The following TACC1 variants were observed in gnomAD, a reference collection of about 807,000 sequenced individuals.
The protein encoded by TACC1 is transforming acidic coiled-coil-containing protein 1.
TACC1 carries 48 observed loss-of-function variants against 84.4 expected under a neutral mutation model. That is an observed-to-expected ratio of 0.57 (90% confidence interval 0.45 to 0.72). TACC1 has a LOEUF of 0.72. Among genes scored for constraint, TACC1 ranks in the 30% least tolerant of loss-of-function variants. The pLI, the probability that TACC1 is intolerant of heterozygous loss-of-function variation, is 0.00. For missense variants in TACC1, 920 were observed against 973.0 expected, an observed-to-expected ratio of 0.95 and a Z score of 0.72; for synonymous variants, 372 against 376.3, an observed-to-expected ratio of 0.99 and a Z score of 0.13.
intron 8 of TACC1, chr8:38,839,612 C>G (rs1428129280): frequency 1.1e-5 from 3 of 265,698 alleles, no homozygotes; most frequent in Non-Finnish European, 2.1e-5. Context: ...GATGGGGGCA[C>G]CACCATTGAG....
At chr8:38,732,666 T>C (rs1805189101) in intron 1 of TACC1, among the ~76,000 whole-genome samples, 1 of 152,218 alleles carries the variant, frequency 6.6e-6, no homozygotes, top group Non-Finnish European at 1.5e-5. Context: ...CCTCATTTGT[T>C]TAATCCTCAT....
intron 5 of TACC1, 91 bp downstream of exon 5, chr8:38,827,466 A>C (rs770673466): frequency 2.0e-5 from 27 of 1,331,152 alleles, no homozygotes; most frequent in Non-Finnish European, 2.9e-5. Context: ...CAGAGATTAA[A>C]GAATTGGGTC....
At chr8:38,788,889 G>GA (rs1563494709) in intron 2 of TACC1, 70 bp downstream of exon 2, 3 of 1,242,744 alleles carry the variant, frequency 2.4e-6, no homozygotes, top group African/African-American at 1.5e-5. Flanking sequence ...ATGAAGGAAG[G>GA]AAAAAAGTGT....
chr8:38,819,508 G>T lies in TACC1; in HGVS notation c.278-14G>T. On this transcript the variant is annotated splice_polypyrimidine_tract_variant and intron_variant, in intron 2 of 12. Coordinates refer to ENST00000317827, the MANE Select transcript of TACC1 (RefSeq NM_006283.3). ...GATAATTCTTTAATAGATGGTTTTT[G>T]TGTTTCATTTTAGAATCACAAGAAG... 6.3e-7 allele frequency: 1 copy of T among 1,589,664 alleles called. No homozygotes were observed. The highest frequency in any genetic ancestry group is 1.4e-5 in the African/African-American group (1 of 73,720).
At position 38,806,475 on chromosome 8, in the gene TACC1, TGAGA is replaced by T. The variant is rs1048536136; in HGVS notation, c.278-13038_278-13035del. Among the ~76,000 whole-genome samples the T allele has an allele frequency of 5.3e-5, 8 of 151,374 alleles. No homozygotes were observed. In the South Asian group the frequency reaches 6.3e-4, roughly 12 times the overall value. ...GTGTGTGTGTGTATGTGTGTGTGTGTGAGAGAGAGAGAAAGAGAGAGAGGGAGAG... is the reference window on the plus strand; with the variant it reads ...GTGTGTGTGTGTATGTGTGTGTGTGTGAGAGAGAAAGAGAGAGAGGGAGAG... On this transcript the variant is annotated intron_variant, in intron 2 of 12. Transcript: ENST00000317827.
intron 2 of TACC1, among the ~76,000 whole-genome samples, chr8:38,794,562 TTGTGTGTG>T (rs35760071): frequency 6.6e-6 from 1 of 150,388 alleles, no homozygotes; most frequent in East Asian, 2.0e-4. Flanking sequence ...GTGTGTTTGT[TTGTGTGTG>T]TGTGTGTGTG....
chr8:38,768,533 C>G (rs1370769242), intron 3 of TACC1, among the ~76,000 whole-genome samples: 5 of 152,130 alleles, frequency 3.3e-5, no homozygotes, highest in African/African-American at 1.2e-4. Flanking sequence ...ACGGGAGTGT[C>G]AAAAGTTCAA....
chr8:38,764,089 CT>C (rs1199811432), intron 3 of TACC1, among the ~76,000 whole-genome samples: 2 of 152,020 alleles, frequency 1.3e-5, no homozygotes, highest in Non-Finnish European at 2.9e-5. Context: ...CTTTTCTTTT[CT>C]TTTTTGAGAC....
intron 3 of TACC1, among the ~76,000 whole-genome samples, chr8:38,753,675 C>T (rs1332788404): frequency 6.6e-6 from 1 of 152,198 alleles, no homozygotes; most frequent in Non-Finnish European, 1.5e-5. Flanking sequence ...CACTTCCCTT[C>T]ACTGTGTCCA....
chr8:38,826,487 A>C (rs1201507302), intron 4 of TACC1, among the ~76,000 whole-genome samples: 1 of 152,258 alleles, frequency 6.6e-6, no homozygotes, highest in Non-Finnish European at 1.5e-5. Flanking sequence ...GTGCATTAAT[A>C]AATGTGATAA....
chr8:38,800,699 G>T (rs1051077219), intron 2 of TACC1, among the ~76,000 whole-genome samples: 1 of 152,122 alleles, frequency 6.6e-6, no homozygotes, highest in Non-Finnish European at 1.5e-5. Context: ...TTTTGGCTAT[G>T]ATGAATAATG....
At chr8:38,770,722 GA>G (rs201454721) in intron 3 of TACC1, among the ~76,000 whole-genome samples, 240 of 151,820 alleles carry the variant, frequency 1.6e-3, no homozygotes, top group East Asian at 0.011. Flanking sequence ...TATTTGGGGG[GA>G]AAAAAAAGCC....
chr8:38,777,113 G>T (rs1230755337), intron 3 of TACC1, among the ~76,000 whole-genome samples: 1 of 152,032 alleles, frequency 6.6e-6, no homozygotes, highest in African/African-American at 2.4e-5. Flanking sequence ...AAAATCAGCT[G>T]GGTGTGGTGG....
At chr8:38,804,815 C>T (rs1056017096) in intron 2 of TACC1, among the ~76,000 whole-genome samples, 1 of 152,152 alleles carries the variant, frequency 6.6e-6, no homozygotes, top group Non-Finnish European at 1.5e-5. Context: ...GTTGTCCAGG[C>T]TGGTCTCAAA....
intron 1 of TACC1, 62 bp downstream of exon 1, chr8:38,787,805 C>T: frequency 7.1e-7 from 1 of 1,409,314 alleles, no homozygotes. Flanking sequence ...CTGCGACTCC[C>T]TCTGTGTGCG....
At chr8:38,798,557 T>C (rs957269598) in intron 2 of TACC1, among the ~76,000 whole-genome samples, 3 of 151,834 alleles carry the variant, frequency 2.0e-5, no homozygotes, top group African/African-American at 7.3e-5. Flanking sequence ...TGGGGGTTTT[T>C]TGGAGGTTAG....
chr8:38,805,169 G>A (rs534182569), intron 2 of TACC1, among the ~76,000 whole-genome samples: 6 of 152,280 alleles, frequency 3.9e-5, no homozygotes, highest in Admixed American at 2.6e-4. Flanking sequence ...ATCACTGAGC[G>A]TGGTCTATTC....
At chr8:38,750,689 GA>G (rs1420380443) in intron 3 of TACC1, among the ~76,000 whole-genome samples, 3 of 152,154 alleles carry the variant, frequency 2.0e-5, no homozygotes, top group African/African-American at 7.2e-5. Flanking sequence ...CTAACATTTA[GA>G]AAGTTAAGTT....
intron 1 of TACC1, among the ~76,000 whole-genome samples, chr8:38,729,038 C>T (rs567746966): frequency 2.6e-5 from 4 of 151,822 alleles, no homozygotes; most frequent in Admixed American, 1.3e-4. Context: ...TCTTTCCGCC[C>T]CTGAAATGCC....
Sources: gnomAD v4.1 joint callset for allele counts (sites outside exome capture counted in the v4.1 genomes callset) on GRCh38, gnomAD v4.1.1 for gene constraint, MANE v1.5 for transcripts, NCBI Gene and HGNC (gene_info 2026-07-23, HGNC 2026-07-21) for gene names.